Variants in ARHGAP24 observed in about 807,000 individuals in gnomAD.
The protein encoded by ARHGAP24 is rho GTPase-activating protein 24.
ARHGAP24 carries 50 observed loss-of-function variants against 76.4 expected under a neutral mutation model. The ratio of observed to expected loss-of-function variants is 0.65; its 90% confidence interval spans 0.52 to 0.83. The LOEUF is 0.83. Among genes scored for constraint, ARHGAP24 ranks in the 40% least tolerant of loss-of-function variants. ARHGAP24 has a pLI of 0.00. For missense variants in ARHGAP24, 930 were observed against 914.2 expected (o/e 1.02, Z -0.22); for synonymous variants, 345 against 323.3 (o/e 1.07, Z -0.72).
chr4:85,905,383 T>A (rs1180118106), intron 3 of ARHGAP24, among the ~76,000 whole-genome samples: 3 of 82,068 alleles, frequency 3.7e-5, no homozygotes, highest in African/African-American at 1.7e-4. Flanking sequence ...GAAAAGACAG[T>A]CTGTTTTTTT....
intron 1 of ARHGAP24, among the ~76,000 whole-genome samples, chr4:85,531,176 G>A (rs893734266): frequency 6.6e-6 from 1 of 151,908 alleles, no homozygotes; most frequent in Non-Finnish European, 1.5e-5. Context: ...ATGAATATAC[G>A]ACCAAGAGAG....
At chr4:85,855,017 A>G (rs1442758899) in intron 3 of ARHGAP24, among the ~76,000 whole-genome samples, 1 of 152,226 alleles carries the variant, frequency 6.6e-6, no homozygotes, top group African/African-American at 2.4e-5. Context: ...ACCAGAAGTC[A>G]TCTACTTTGT....
intron 1 of ARHGAP24, among the ~76,000 whole-genome samples, chr4:85,567,774 T>C (rs1289103448): frequency 2.6e-5 from 4 of 152,208 alleles, no homozygotes; most frequent in Non-Finnish European, 5.9e-5. Context: ...AAGTGTAGAA[T>C]TTTAATCATT....
At chr4:85,708,602 A>G (rs1412227193) in intron 2 of ARHGAP24, among the ~76,000 whole-genome samples, 1 of 152,146 alleles carries the variant, frequency 6.6e-6, no homozygotes, top group Admixed American at 6.6e-5. Flanking sequence ...ACCCTGATGA[A>G]TGCATATCTT....
rs973005888 is a variant in ARHGAP24, at chr4:86,002,660, A to C, written c.*1938A>C. 1 of 151,668 alleles carries C rather than the reference A, an allele frequency of 6.6e-6. No homozygotes were observed. Among genetic ancestry groups the C allele is most frequent in the East Asian group, 1.9e-4 (1 of 5,162 alleles). The allele number at this position is 151,668 out of a possible 1,614,324, so 9.4% of individuals were successfully genotyped here. A position where few individuals can be genotyped will look rare whatever the true frequency, so the allele number is the denominator to read the frequency against. ...GTGCAATTGGAATAATAAAAATACT[A>C]CTCCCATAGAGTTGTTATGTGGTCT... On this transcript the variant is annotated 3_prime_UTR_variant, in exon 10 of 10. Transcript: ENST00000395184.
At chr4:85,771,247 A>G (rs906202893) in intron 3 of ARHGAP24, among the ~76,000 whole-genome samples, 1 of 152,230 alleles carries the variant, frequency 6.6e-6, no homozygotes. Context: ...GTAGGCTGAA[A>G]GCCCAGGAAA....
chr4:85,517,879 G>T (rs17010307), intron 1 of ARHGAP24, among the ~76,000 whole-genome samples: 1 of 152,024 alleles, frequency 6.6e-6, no homozygotes, highest in African/African-American at 2.4e-5. Flanking sequence ...TCTTTAAAAC[G>T]TAAGAAGAAT....
At position 86,000,459 on chromosome 4, in the gene ARHGAP24, C is replaced by T. The variant is rs12505097; in HGVS notation, c.2004-20C>T. The T allele has an allele frequency of 3.3e-5, 24 of 726,278 alleles. 1 individual carries two copies. The highest frequency in any genetic ancestry group is 4.5e-5 in the South Asian group (3 of 65,948). The allele number at this position is 726,278 out of a possible 1,614,324, so 45.0% of individuals were successfully genotyped here. A position where few individuals can be genotyped will look rare whatever the true frequency, so the allele number is the denominator to read the frequency against. Reference sequence around the variant, plus strand: ...TACTCTTGCGTCCCCACCCCCCACCCCCCCCAACATCCTTTGTAGCTTAGA... The same window carrying T: ...TACTCTTGCGTCCCCACCCCCCACCTCCCCCAACATCCTTTGTAGCTTAGA... On this transcript the variant is annotated intron_variant, in intron 9 of 9. Coordinates refer to ENST00000395184, the MANE Select transcript of ARHGAP24 (RefSeq NM_001025616.3).
At chr4:85,822,046 G>T (rs898287068) in intron 3 of ARHGAP24, among the ~76,000 whole-genome samples, 1 of 152,154 alleles carries the variant, frequency 6.6e-6, no homozygotes, top group African/African-American at 2.4e-5. Context: ...AATTTCATTT[G>T]TGTTGACTTT....
intron 1 of ARHGAP24, among the ~76,000 whole-genome samples, chr4:85,555,396 G>C (rs1726316921): frequency 6.6e-6 from 1 of 152,206 alleles, no homozygotes; most frequent in Non-Finnish European, 1.5e-5. Flanking sequence ...TTCACAGTGT[G>C]GGCAGAAGGT....
intron 1 of ARHGAP24, among the ~76,000 whole-genome samples, chr4:85,523,980 G>C (rs1292172966): frequency 1.3e-5 from 2 of 152,060 alleles, no homozygotes; most frequent in African/African-American, 2.4e-5. Flanking sequence ...GCCTTATATG[G>C]GTTGGTCATT....
At chr4:85,723,391 T>C (rs1361149801) in intron 3 of ARHGAP24, 2 of 152,230 alleles carry the variant, frequency 1.3e-5, no homozygotes, top group African/African-American at 4.8e-5. Context: ...GAGAGAGCCA[T>C]GTCTTCAAGA....
intron 5 of ARHGAP24, among the ~76,000 whole-genome samples, chr4:85,956,824 ACT>A (rs1937447286): frequency 6.6e-6 from 1 of 152,026 alleles, no homozygotes; most frequent in African/African-American, 2.4e-5. Flanking sequence ...GCGAGTGAAA[ACT>A]CAGCTCCAGC....
intron 3 of ARHGAP24, among the ~76,000 whole-genome samples, chr4:85,918,628 C>T (rs1264013288): frequency 6.6e-6 from 1 of 152,020 alleles, no homozygotes; most frequent in Non-Finnish European, 1.5e-5. Flanking sequence ...ATCCATTAAG[C>T]TTTTCTTAAT....
chr4:85,778,651 G>C (rs1253679259), intron 3 of ARHGAP24: 1 of 973,592 alleles, frequency 1.0e-6, no homozygotes, highest in Non-Finnish European at 1.2e-6. Flanking sequence ...CATTATTTAA[G>C]GTATATTTCC....
At chr4:85,522,544 AT>A (rs1294444644) in intron 1 of ARHGAP24, among the ~76,000 whole-genome samples, 21 of 152,206 alleles carry the variant, frequency 1.4e-4, no homozygotes. Flanking sequence ...AACCATCACC[AT>A]TTGTGAGCAT....
At chr4:85,625,604 T>A (rs1266867862) in intron 2 of ARHGAP24, among the ~76,000 whole-genome samples, 1 of 152,220 alleles carries the variant, frequency 6.6e-6, no homozygotes, top group Non-Finnish European at 1.5e-5. Context: ...GGTGCAGAGC[T>A]GAGTTCAATT....
chr4:85,934,136 T>C (rs867375941), intron 4 of ARHGAP24, among the ~76,000 whole-genome samples: 3 of 152,194 alleles, frequency 2.0e-5, no homozygotes, highest in Non-Finnish European at 2.9e-5. Flanking sequence ...TGTGAAGCAT[T>C]TCCCTATCTG....
At chr4:85,911,236 C>T (rs1025472608) in intron 3 of ARHGAP24, among the ~76,000 whole-genome samples, 4 of 152,186 alleles carry the variant, frequency 2.6e-5, no homozygotes, top group Admixed American at 6.5e-5. Flanking sequence ...CGCCCTAACT[C>T]GAATGGGGTG....
Sources: gnomAD v4.1 joint callset for allele counts (sites outside exome capture counted in the v4.1 genomes callset) on GRCh38, gnomAD v4.1.1 for gene constraint, MANE v1.5 for transcripts, NCBI Gene and HGNC (gene_info 2026-07-23, HGNC 2026-07-21) for gene names.